The following NYNRIN variants were observed in gnomAD, a reference collection of about 807,000 sequenced individuals.
NYNRIN encodes NYN domain and retroviral integrase containing.
A neutral mutation model predicts 146.6 loss-of-function variants in NYNRIN; 86 were observed. The ratio of observed to expected loss-of-function variants is 0.59; its 90% confidence interval spans 0.49 to 0.70. The LOEUF (loss-of-function observed/expected upper bound fraction) is 0.70, where lower values mean the gene tolerates loss of function less well. Among genes scored for constraint, NYNRIN ranks in the 30% least tolerant of loss-of-function variants. The probability of loss-of-function intolerance (pLI) is 0.00; values close to 1 mark genes in which losing one functional copy is unlikely to be tolerated. For missense variants in NYNRIN, 2,191 were observed against 2,377.7 expected, an observed-to-expected ratio of 0.92 and a Z score of 1.63; for synonymous variants, 1,027 against 1,001.3, an observed-to-expected ratio of 1.03 and a Z score of -0.48.
rs199717611 is a variant in NYNRIN, at chr14:24,416,523, C to T, written c.4774C>T (p.Arg1592Ter). Residue 1592 changes from arginine (R) to a stop codon, truncating the protein, a stop_gained, in exon 9 of 9, where the codon CGA (arginine) becomes TGA (stop). Transcript: ENST00000382554. LOFTEE classifies it high-confidence loss of function. Reference sequence around the variant, plus strand: ...CAGGAGCTGCTTGTTCTGCATCCCCCGAAATCTCATAGGCAGCGAGTTGAA... The same window carrying T: ...CAGGAGCTGCTTGTTCTGCATCCCCTGAAATCTCATAGGCAGCGAGTTGAA... ...YCRSCLFCIP[R>*]NLIGSELKVI... 14 of 1,613,834 alleles carry T rather than the reference C, an allele frequency of 8.7e-6. No individual in the cohort carries two copies. The highest frequency in any genetic ancestry group is 1.0e-5 in the Non-Finnish European group (12 of 1,179,868).
chr14:24,399,065 G>A lies in NYNRIN; in HGVS notation c.-39G>A. 1 of 546,532 alleles carries A rather than the reference G, an allele frequency of 1.8e-6. No individual in the cohort carries two copies. The allele number at this position is 546,532 out of a possible 1,614,324, so 33.9% of individuals were successfully genotyped here. A position where few individuals can be genotyped will look rare whatever the true frequency, so the allele number is the denominator to read the frequency against. ...GTCGAAGGGGACCAAGCTCCAGAGG[G>A]CGGGCGCCCGAGCCGTGCGGGGTGG... On this transcript the variant is annotated 5_prime_UTR_variant, in exon 1 of 9. Transcript: ENST00000382554.
Position 24,414,637 on chromosome 14 carries a change from C to T in NYNRIN, c.2888C>T (p.Thr963Ile), listed in dbSNP as rs771536071. Residue 963 changes from threonine (T) to isoleucine (I), a missense_variant, in exon 9 of 9, where the codon ACC becomes ATC. Thr to Ile is a moderately conservative substitution (Grantham distance 89, BLOSUM62 -1). This residue lies in a region of NYNRIN where 1,291 missense variants were observed against 1,417.0 expected (regional missense o/e 0.91). Transcript: ENST00000382554. ...GGCAACTTCCTGAAGGTGTGGAAGA[C>T]CCTTCCTCCCAGCTCAGCCAGTGTC... The part of the protein sequence containing the change: ...DIGNFLKVWK[T>I]LPPSSASVTE... 1 of 1,613,638 alleles carries T rather than the reference C, an allele frequency of 6.2e-7. No homozygotes were observed. Among genetic ancestry groups the T allele is most frequent in the Admixed American group, 1.7e-5 (1 of 59,998 alleles).
chr14:24,410,627 C>T (rs530905330), intron 4 of NYNRIN, among the ~76,000 whole-genome samples: 8 of 152,224 alleles, frequency 5.3e-5, no homozygotes, highest in African/African-American at 9.6e-5. Context: ...TGGCCCTTAG[C>T]GATTGCCCTT....
chr14:24,405,569 C>T (rs1426970165), intron 2 of NYNRIN, among the ~76,000 whole-genome samples: 1 of 152,158 alleles, frequency 6.6e-6, no homozygotes, highest in Non-Finnish European at 1.5e-5. Context: ...TATTTTCAGG[C>T]TGTAAATGCC....
At chr14:24,405,618 G>C (rs572665340) in intron 2 of NYNRIN, among the ~76,000 whole-genome samples, 2 of 152,044 alleles carry the variant, frequency 1.3e-5, no homozygotes, top group African/African-American at 4.8e-5. Context: ...CAGTATAGAC[G>C]GCATCATGGT....
Position 24,415,137 on chromosome 14 carries a change from T to G in NYNRIN, c.3388T>G (p.Trp1130Gly). The G allele has an allele frequency of 6.2e-7, 1 of 1,605,724 alleles. No homozygotes were observed. The highest frequency in any genetic ancestry group is 8.5e-7 in the Non-Finnish European group (1 of 1,179,002). The change falls in exon 9 of 9, where the codon TGG (tryptophan) becomes GGG (glycine). Residue 1130 changes from tryptophan to glycine, a missense_variant. Trp to Gly is a radical substitution (Grantham distance 184). Around this residue, in one of 3 missense-constraint regions of NYNRIN, gnomAD observed 1,291 missense variants for 1,417.0 expected, o/e 0.91. Coordinates refer to ENST00000382554, the MANE Select transcript of NYNRIN (RefSeq NM_025081.3). ...CCTCAAGCAGAAGCCTGACTGGCAG[T>G]GGGACCAGGAGCATGAGGAGGCCTT... ...SLLKQKPDWQ[W>G]DQEHEEAFLA... is the part of the protein sequence containing the mutation.
intron 2 of NYNRIN, among the ~76,000 whole-genome samples, chr14:24,401,686 G>A (rs1377596080): frequency 6.6e-6 from 1 of 152,186 alleles, no homozygotes; most frequent in East Asian, 1.9e-4. Context: ...CTGAAATCAT[G>A]CATGTTACAA....
intron 2 of NYNRIN, among the ~76,000 whole-genome samples, chr14:24,401,568 C>T (rs78513563): frequency 0.028 from 4,221 of 152,218 alleles, 180 homozygotes; most frequent in African/African-American, 0.095. Context: ...TGTTAACTAT[C>T]TGAACTGGGT....
At chr14:24,405,036 GTGTGTGTGTGAA>G (rs2042868820) in intron 2 of NYNRIN, among the ~76,000 whole-genome samples, 1 of 144,500 alleles carries the variant, frequency 6.9e-6, no homozygotes, top group African/African-American at 2.6e-5. Context: ...GTGAGAGAAT[GTGTGTGTGTGAA>G]TGTGTGTGAA....
chr14:24,416,430 G>C lies in NYNRIN; in HGVS notation c.4681G>C (p.Glu1561Gln). 3 of 1,613,240 alleles carry C rather than the reference G, an allele frequency of 1.9e-6. No homozygotes were observed. Among genetic ancestry groups the C allele is most frequent in the Non-Finnish European group, 2.5e-6 (3 of 1,179,564 alleles). The change falls in exon 9 of 9, where the codon GAG (glutamate) becomes CAG (glutamine). Residue 1561 changes from glutamate (E) to glutamine (Q), a missense_variant. This residue lies in a region of NYNRIN where 1,291 missense variants were observed against 1,417.0 expected (regional missense o/e 0.91). Coordinates refer to ENST00000382554, the MANE Select transcript of NYNRIN (RefSeq NM_025081.3). ...CTTGGGGGCCCACCAGAGGCCCGAA[G>C]AGACCTACAAGAAGTTGCGTTTGCT... ...IPLGAHQRPE[E>Q]TYKKLRLLGW...
In NYNRIN at chr14:24,409,933, A is replaced by G. The variant is rs1349543193; in HGVS notation, c.2139A>G (p.Leu713=). The G allele has an allele frequency of 6.2e-7, 1 of 1,613,654 alleles. No homozygotes were observed. The highest frequency in any genetic ancestry group is 8.5e-7 in the Non-Finnish European group (1 of 1,179,744). Residue 713 remains leucine (L), a synonymous_variant, in exon 4 of 9, where the codon TTA becomes TTG. Coordinates refer to ENST00000382554, the MANE Select transcript of NYNRIN (RefSeq NM_025081.3). ...VQPTSRASVS[L]LKGQGQAGRQ... ...CTACATCAAGGGCTAGTGTCTCCTT[A>G]CTGAAGGGCCAGGGGCAGGCTGGAA...
chr14:24,403,828 G>A (rs76493677), intron 2 of NYNRIN, among the ~76,000 whole-genome samples: 2,558 of 152,312 alleles, frequency 0.017, 72 homozygotes, highest in African/African-American at 0.055. Flanking sequence ...GCATGTCCAC[G>A]TTGCATAGCC....
In NYNRIN at chr14:24,417,463, TG is replaced by T; in HGVS notation, c.*18del. Reference sequence around the variant, plus strand: ...GAGCAGTGAGCGGGAGCAGCGGGGGTGCCCCCTGCCCCAGGGCCGTGGGTTT... The same window carrying T: ...GAGCAGTGAGCGGGAGCAGCGGGGGTCCCCCTGCCCCAGGGCCGTGGGTTT... On this transcript the variant is annotated 3_prime_UTR_variant, in exon 9 of 9. Coordinates refer to ENST00000382554, the MANE Select transcript of NYNRIN (RefSeq NM_025081.3). 4 of 1,451,576 alleles carry T rather than the reference TG, an allele frequency of 2.8e-6. No homozygotes were observed. Among genetic ancestry groups the T allele is most frequent in the Non-Finnish European group, 2.7e-6 (3 of 1,103,198 alleles). The allele number at this position is 1,451,576 out of a possible 1,614,324, so 89.9% of individuals were successfully genotyped here. A position where few individuals can be genotyped will look rare whatever the true frequency, so the allele number is the denominator to read the frequency against.
rs1210529781 is a variant in NYNRIN, at chr14:24,414,609, A to G, written c.2860A>G (p.Ile954Val). The change falls in exon 9 of 9, where the codon ATT becomes GTT. Residue 954 changes from isoleucine (I) to valine (V), a missense_variant. Around this residue, in one of 3 missense-constraint regions of NYNRIN, gnomAD observed 1,291 missense variants for 1,417.0 expected, o/e 0.91. Transcript: ENST00000382554. ...LKKPNRLDTD[I>V]GNFLKVWKTL... is the part of the protein sequence containing the mutation. ...GTTTTGGTGTAGGTTGGACACTGAC[A>G]TTGGCAACTTCCTGAAGGTGTGGAA... 3 of 1,611,304 alleles carry G rather than the reference A, an allele frequency of 1.9e-6. No homozygotes were observed. The highest frequency in any genetic ancestry group is 2.5e-6 in the Non-Finnish European group (3 of 1,178,104).
chr14:24,412,905 T>A, intron 6 of NYNRIN, 92 bp from the exon 7 acceptor site: 1 of 818,380 alleles, frequency 1.2e-6, no homozygotes, highest in Non-Finnish European at 2.0e-6. Context: ...CTGACACACC[T>A]CAATGTGAAG....
At position 24,409,411 on chromosome 14, in the gene NYNRIN, A is replaced by G; in HGVS notation, c.1617A>G (p.Thr539=). 1 of 1,614,046 alleles carries G rather than the reference A, an allele frequency of 6.2e-7. No homozygotes were observed. Among genetic ancestry groups the G allele is most frequent in the Non-Finnish European group, 8.5e-7 (1 of 1,179,894 alleles). The stretch of plus-strand genomic sequence containing the variant: ...ATCAGTCAGTACCTGGAGCTCAAAC[A>G]GTGCCTGAAACTCTCAAAGTGCCCA... ...LTDQSVPGAQ[T]VPETLKVPMA... Residue 539 remains threonine (T), a synonymous_variant, in exon 4 of 9, where the codon ACA becomes ACG. Coordinates refer to ENST00000382554, the MANE Select transcript of NYNRIN (RefSeq NM_025081.3).
intron 2 of NYNRIN, among the ~76,000 whole-genome samples, chr14:24,402,602 C>A (rs751849428): frequency 1.3e-5 from 2 of 152,092 alleles, no homozygotes; most frequent in South Asian, 4.2e-4. Flanking sequence ...CTGGAGTTGG[C>A]TCCTATGGAC....
At chr14:24,413,148 G>A in intron 7 of NYNRIN, 50 bp downstream of exon 7, 1 of 1,437,678 alleles carries the variant, frequency 7.0e-7, no homozygotes, top group Non-Finnish European at 9.6e-7. Context: ...TGGATGTCAG[G>A]CAGCCCCTGG....
intron 2 of NYNRIN, among the ~76,000 whole-genome samples, chr14:24,402,089 A>G (rs553962942): frequency 6.6e-6 from 1 of 152,286 alleles, no homozygotes; most frequent in East Asian, 1.9e-4. Context: ...GGGGTCGAGA[A>G]GGATACAGGC....
Sources: allele counts gnomAD v4.1 joint callset (sites outside exome capture counted in the v4.1 genomes callset), GRCh38; gene constraint gnomAD v4.1.1; regional missense constraint gnomAD v4.1.1; transcripts MANE v1.5; gene names NCBI Gene and HGNC (gene_info 2026-07-23, HGNC 2026-07-21).